WDR12: variants seen among roughly 807,000 people sequenced by gnomAD.
WDR12 encodes ribosome biogenesis protein WDR12.
Under a neutral mutation model 64.3 loss-of-function variants are expected in WDR12, and 42 were observed. The ratio of observed to expected loss-of-function variants is 0.65; its 90% CI spans 0.51 to 0.84. WDR12 has a LOEUF of 0.84. WDR12 is among the 40% of genes least tolerant of loss of function. The pLI is 0.00. For synonymous variants in WDR12, 158 were observed against 173.3 expected, an observed-to-expected ratio of 0.91 and a Z score of 0.70; for missense variants, 469 against 494.6, an observed-to-expected ratio of 0.95 and a Z score of 0.49.
At position 202,896,330 on chromosome 2, in the gene WDR12, A is replaced by G. The variant is rs1302454759; in HGVS notation, c.455-111T>C. The G allele has an allele frequency of 3.2e-6, 4 of 1,231,920 alleles. No individual in the cohort carries two copies. The East Asian group carries it at 1.0e-4, about 32-fold the overall frequency. The allele number at this position is 1,231,920 out of a possible 1,614,324, so 76.3% of individuals were successfully genotyped here. ...TTTTGTTGTTATTGAAAAAGATGTT[A>G]AAAAGATAACTCATATGGCCAGGTT... On this transcript the variant is annotated intron_variant, in intron 5 of 12. Transcript: ENST00000261015.
At chr2:202,893,974 C>T (rs977539346) in intron 7 of WDR12, among the ~76,000 whole-genome samples, 1 of 152,028 alleles carries the variant, frequency 6.6e-6, no homozygotes, top group Non-Finnish European at 1.5e-5. Flanking sequence ...CAAAATGGCT[C>T]GGAAAGTATT....
rs75969239 is a variant in WDR12 at position 202,890,069 on chromosome 2, A to T, written c.741+2548T>A. On this transcript the variant is annotated intron_variant, in intron 8 of 12. Coordinates refer to ENST00000261015, the MANE Select transcript of WDR12 (RefSeq NM_018256.4). ...TGACAAAACCCAATATCTACAAAAA[A>T]AAAGAAAAATTAGTTGGGTATGGTG... Among the ~76,000 whole-genome samples the T allele has an allele frequency of 7.8e-3, 1,180 of 152,168 alleles. 9 individuals are homozygous for T. Among genetic ancestry groups the T allele is most frequent in the Non-Finnish European group, 0.012 (789 of 67,996 alleles).
chr2:202,890,983 G>C (rs1197572774), intron 8 of WDR12, among the ~76,000 whole-genome samples: 3 of 98,492 alleles, frequency 3.0e-5, no homozygotes, highest in African/African-American at 1.1e-4. Context: ...AACAGAGCAA[G>C]ACTTTGTCTC....
chr2:202,882,860 T>C (rs1687980382), intron 11 of WDR12, 77 bp from the exon 12 acceptor site: 15 of 1,473,314 alleles, frequency 1.0e-5, no homozygotes, highest in East Asian at 4.6e-5. Flanking sequence ...CTTATACTTA[T>C]CTGAAAACTT....
chr2:202,911,389 C>A (rs1422397509), intron 1 of WDR12, 47 bp downstream of exon 1: 5 of 1,596,254 alleles, frequency 3.1e-6, no homozygotes, highest in South Asian at 2.2e-5. Flanking sequence ...AAGGGGTGGT[C>A]GGAAAGGAAC....
intron 5 of WDR12, 73 bp downstream of exon 5, chr2:202,897,227 C>T (rs1688260491): frequency 1.9e-6 from 2 of 1,028,814 alleles, no homozygotes; most frequent in Non-Finnish European, 2.9e-6. Context: ...CCCCATTCTT[C>T]CCCAGCACCA....
intron 8 of WDR12, among the ~76,000 whole-genome samples, chr2:202,887,669 A>G (rs1401776839): frequency 1.3e-5 from 2 of 151,234 alleles, no homozygotes; most frequent in Admixed American, 1.3e-4. Context: ...CGGGTGGATC[A>G]TGAGGTCAGG....
rs957639797 is a variant in WDR12, at chr2:202,875,286, G to C, written c.*5574C>G. On this transcript the variant is annotated 3_prime_UTR_variant, in exon 13 of 13. Coordinates refer to ENST00000261015, the MANE Select transcript of WDR12 (RefSeq NM_018256.4). ...TACTATTACAGTAATACGTTTAGTGGCACGCTAAAATTGAAATTAATTTTA... is the reference window on the plus strand; with the variant it reads ...TACTATTACAGTAATACGTTTAGTGCCACGCTAAAATTGAAATTAATTTTA... 1 of 151,750 alleles carries C rather than the reference G, an allele frequency of 6.6e-6. No homozygotes were observed. The highest frequency in any genetic ancestry group is 6.6e-5 in the Admixed American group (1 of 15,210). The allele number at this position is 151,750 out of a possible 1,614,324, so 9.4% of individuals were successfully genotyped here. A position where few individuals can be genotyped will look rare whatever the true frequency, so the allele number is the denominator to read the frequency against.
chr2:202,909,719 A>G (rs997117309), intron 1 of WDR12, among the ~76,000 whole-genome samples: 2 of 152,120 alleles, frequency 1.3e-5, no homozygotes, highest in African/African-American at 4.8e-5. Context: ...TGACAATTAT[A>G]TTAGCCCCCC....
In WDR12 at chr2:202,909,094, G is replaced by A. The variant is rs550677306; in HGVS notation, c.42-1135C>T. Among the ~76,000 whole-genome samples, 5 of 152,272 alleles carry A rather than the reference G, an allele frequency of 3.3e-5. No individual in the cohort carries two copies. The East Asian group carries it at 7.7e-4, about 23-fold the overall frequency. On this transcript the variant is annotated intron_variant, in intron 1 of 12. Transcript: ENST00000261015. The stretch of plus-strand genomic sequence containing the variant: ...AACCCTGATTATTGCTGGCAGTAAC[G>A]TAAAATGGTGCAGTTGCTTTGGAAA...
At chr2:202,881,088 A>C in intron 12 of WDR12, 151 bp from the exon 13 acceptor site, 1 of 531,792 alleles carries the variant, frequency 1.9e-6, no homozygotes, top group Non-Finnish European at 3.2e-6. Flanking sequence ...AAAGGGACCA[A>C]CGTTGTTTCA....
chr2:202,897,835 G>A (rs1369630358), intron 4 of WDR12, among the ~76,000 whole-genome samples: 2 of 138,472 alleles, frequency 1.4e-5, no homozygotes. Flanking sequence ...CTTGCAGTGA[G>A]CCGAGATTGC....
rs955008088 is a variant in WDR12 at position 202,880,686 on chromosome 2, C to T, written c.*174G>A. On this transcript the variant is annotated 3_prime_UTR_variant, in exon 13 of 13. Coordinates refer to ENST00000261015, the MANE Select transcript of WDR12 (RefSeq NM_018256.4). ...ACAGTTTGTATTTTATAAACACAAC[C>T]TATCTTATTATAAATACAAAATAAG... is the stretch of plus-strand genomic sequence containing the variant. The T allele has an allele frequency of 1.7e-5, 7 of 408,974 alleles. No homozygotes were observed. Among genetic ancestry groups the T allele is most frequent in the African/African-American group, 1.0e-4 (5 of 48,586 alleles). 25.3% of individuals were successfully genotyped at this position (408,974 alleles called of 1,614,324 possible).
Position 202,876,502 on chromosome 2 carries a change from A to G in WDR12, c.*4358T>C, listed in dbSNP as rs1039438094. ...GCAGTTTCTGGCTAGTAAAATCTGG[A>G]TTTCACTTGCCTAATGAAATCTGAT... On this transcript the variant is annotated 3_prime_UTR_variant, in exon 13 of 13. Transcript: ENST00000261015. 3.3e-5 allele frequency: 5 copies of G among 152,182 alleles called. No homozygotes were observed. The highest frequency in any genetic ancestry group is 9.7e-5 in the African/African-American group (4 of 41,446). The allele number at this position is 152,182 out of a possible 1,614,324, so 9.4% of individuals were successfully genotyped here.
At chr2:202,904,884 C>A (rs978360534) in intron 2 of WDR12, among the ~76,000 whole-genome samples, 1 of 152,092 alleles carries the variant, frequency 6.6e-6, no homozygotes, top group African/African-American at 2.4e-5. Context: ...GAAGAGACAA[C>A]CCACAGAATG....
intron 2 of WDR12, among the ~76,000 whole-genome samples, chr2:202,906,460 C>T (rs554307034): frequency 1.3e-5 from 2 of 152,118 alleles, no homozygotes; most frequent in South Asian, 4.1e-4. Context: ...TATTTGAAGA[C>T]GAAGATGGGG....
At chr2:202,882,574 C>T (rs908359146) in intron 12 of WDR12, 137 bp downstream of exon 12, 1 of 732,424 alleles carries the variant, frequency 1.4e-6, no homozygotes, top group Non-Finnish European at 2.3e-6. Context: ...GTGATCTGCC[C>T]ACCTTGGCCT....
Position 202,897,325 on chromosome 2 carries a change from TACA to T in WDR12, c.426_428del (p.Val143del). On this transcript the variant is annotated inframe_deletion, in exon 5 of 13. Coordinates refer to ENST00000261015, the MANE Select transcript of WDR12 (RefSeq NM_018256.4). ...CTTTTTTCACCCAGGCCACATCTTT[TACA>T]ACATCCGTATGTCCCACAATTGTCA... 6.2e-7 allele frequency: 1 copy of T among 1,601,198 alleles called. No homozygotes were observed. Among genetic ancestry groups the T allele is most frequent in the Non-Finnish European group, 8.5e-7 (1 of 1,175,014 alleles).
At chr2:202,895,919 G>A (rs918384146) in intron 6 of WDR12, 146 bp downstream of exon 6, 1 of 847,448 alleles carries the variant, frequency 1.2e-6, no homozygotes, top group African/African-American at 1.7e-5. Flanking sequence ...TATTGTATGA[G>A]TATTTACTCT....
Sources: gnomAD v4.1 joint callset for allele counts (sites outside exome capture counted in the v4.1 genomes callset) on GRCh38, gnomAD v4.1.1 for gene constraint, MANE v1.5 for transcripts, NCBI Gene and HGNC (gene_info 2026-07-23, HGNC 2026-07-21) for gene names.